The following ZNF516 variants were observed in gnomAD, a reference collection of about 807,000 sequenced individuals.
ZNF516 encodes zinc finger protein 516.
In ZNF516, 19 loss-of-function variants were observed where a neutral mutation model predicts 79.7. The ratio of observed to expected loss-of-function variants is 0.24; its 90% CI spans 0.17 to 0.35. The LOEUF (loss-of-function observed/expected upper bound fraction) is 0.35, where lower values mean the gene tolerates loss of function less well. Among genes scored for constraint, ZNF516 ranks in the 10% least tolerant of loss-of-function variants. The probability of loss-of-function intolerance (pLI) is 1.00; values close to 1 mark genes in which losing one functional copy is unlikely to be tolerated. For synonymous variants in ZNF516, 877 were observed against 739.5 expected, an observed-to-expected ratio of 1.19 and a Z score of -3.02; for missense variants, 1,678 against 1,679.5, an observed-to-expected ratio of 1.00 and a Z score of 0.02.
chr18:76,386,812 CAT>C (rs926289124), intron 3 of ZNF516: 1 of 152,230 alleles, frequency 6.6e-6, no homozygotes, highest in Non-Finnish European at 1.5e-5. Context: ...TTTACCCACA[CAT>C]GTCATTTTCA....
At chr18:76,399,890 G>GTT (rs2075195321) in intron 3 of ZNF516, among the ~76,000 whole-genome samples, 2 of 152,164 alleles carry the variant, frequency 1.3e-5, no homozygotes, top group South Asian at 4.1e-4. Context: ...ACTTAAGATT[G>GTT]TGAGTGACAT....
chr18:76,439,107 AC>A (rs1356225640), intron 3 of ZNF516, among the ~76,000 whole-genome samples: 1 of 152,230 alleles, frequency 6.6e-6, no homozygotes, highest in Non-Finnish European at 1.5e-5. Flanking sequence ...GATTCAAAAT[AC>A]CCAGTTTCTT....
Position 76,441,608 on chromosome 18 carries a change from C to T in ZNF516, c.1447G>A (p.Gly483Arg). 2.0e-6 allele frequency: 3 copies of T among 1,481,102 alleles called. No homozygotes were observed. Among genetic ancestry groups the T allele is most frequent in the South Asian group, 2.6e-5 (2 of 77,000 alleles). The allele number at this position is 1,481,102 out of a possible 1,614,324, so 91.7% of individuals were successfully genotyped here. The change falls in exon 3 of 7, where the codon GGG becomes AGG. Residue 483 changes from glycine to arginine, a missense_variant. Physicochemically the swap from Gly to Arg is moderately radical, Grantham distance 125 (BLOSUM62 -2). Coordinates refer to ENST00000443185, the MANE Select transcript of ZNF516 (RefSeq NM_014643.4). ...AQGPPRKRASGPGDPAPAGHL... is the reference protein window; with the variant it reads ...AQGPPRKRASRPGDPAPAGHL... The stretch of plus-strand genomic sequence containing the variant: ...CCGGCGGGCGCGGGGTCCCCAGGCC[C>T]GCTCGCGCGCTTCCGCGGGGGCCCC...
At chr18:76,495,001 G>A (rs1209314127) in intron 1 of ZNF516, 143 bp downstream of exon 1, 1 of 131,428 alleles carries the variant, frequency 7.6e-6, no homozygotes, top group Admixed American at 7.3e-5. Context: ...GCCCCTCCCC[G>A]GCGCACCCCC....
intron 3 of ZNF516, chr18:76,385,545 G>T (rs1003657579): frequency 3.3e-5 from 5 of 152,232 alleles, no homozygotes; most frequent in Non-Finnish European, 5.9e-5. Flanking sequence ...CCGCGCTTAC[G>T]GCTGCTCTGG....
Position 76,443,105 on chromosome 18 carries a change from G to C in ZNF516, c.-51C>G, listed in dbSNP as rs879864222. On this transcript the variant is annotated 5_prime_UTR_variant, in exon 3 of 7. Coordinates refer to ENST00000443185, the MANE Select transcript of ZNF516 (RefSeq NM_014643.4). The stretch of plus-strand genomic sequence containing the variant: ...GGCGGCACAGCTTTCTGTCGCGCGG[G>C]CTGCAGGGACCGTCCTATCTCTCCA... 1.5e-5 allele frequency: 23 copies of C among 1,527,090 alleles called. No homozygotes were observed. Among genetic ancestry groups the C allele is most frequent in the Non-Finnish European group, 1.9e-5 (22 of 1,144,878 alleles). The allele number at this position is 1,527,090 out of a possible 1,614,324, so 94.6% of individuals were successfully genotyped here.
intron 2 of ZNF516, among the ~76,000 whole-genome samples, chr18:76,450,464 A>G (rs1912339127): frequency 6.6e-6 from 1 of 151,952 alleles, no homozygotes; most frequent in African/African-American, 2.4e-5. Flanking sequence ...AAATCGTCTG[A>G]ATAATAGGAA....
chr18:76,371,171 G>A (rs1247483371), intron 5 of ZNF516, among the ~76,000 whole-genome samples: 2 of 152,216 alleles, frequency 1.3e-5, no homozygotes, highest in East Asian at 3.8e-4. Context: ...TGGTGGCAAT[G>A]CCATTCATTA....
upstream of ZNF516, chr18:76,495,907 C>A: frequency 2.6e-6 from 1 of 379,784 alleles, no homozygotes; most frequent in Non-Finnish European, 4.2e-6. Flanking sequence ...TCACAGAGGT[C>A]CCGCTGGAAA....
chr18:76,407,019 C>G (rs2075312996), intron 3 of ZNF516, among the ~76,000 whole-genome samples: 1 of 152,208 alleles, frequency 6.6e-6, no homozygotes, highest in Non-Finnish European at 1.5e-5. Context: ...CTCGCCCAGA[C>G]AGAATCCAGG....
chr18:76,470,542 C>T (rs1453215891), intron 1 of ZNF516, among the ~76,000 whole-genome samples: 3 of 152,204 alleles, frequency 2.0e-5, no homozygotes, highest in African/African-American at 7.2e-5. Flanking sequence ...TCCATACGAA[C>T]CCTCTTCTGT....
At chr18:76,444,662 G>A (rs1428656766) in intron 2 of ZNF516, among the ~76,000 whole-genome samples, 4 of 152,172 alleles carry the variant, frequency 2.6e-5, no homozygotes, top group Non-Finnish European at 4.4e-5. Flanking sequence ...ACACAGAAAA[G>A]AATACTGATA....
At chr18:76,476,381 T>C (rs1402125038) in intron 1 of ZNF516, among the ~76,000 whole-genome samples, 1 of 152,348 alleles carries the variant, frequency 6.6e-6, no homozygotes, top group Non-Finnish European at 1.5e-5. Flanking sequence ...TCAGTGCCAG[T>C]TGTCAATGTT....
chr18:76,433,307 T>C (rs1207401668), intron 3 of ZNF516, among the ~76,000 whole-genome samples: 2 of 152,190 alleles, frequency 1.3e-5, no homozygotes, highest in Non-Finnish European at 2.9e-5. Context: ...ACAGAATTCA[T>C]CAAGGTGCAG....
At position 76,493,302 on chromosome 18, in the gene ZNF516, A is replaced by T. The variant is rs73975323; in HGVS notation, c.-272+1842T>A. 0.15 allele frequency: 30,376 copies of T among 203,394 alleles called. 2,596 individuals are homozygous for T. The highest frequency in any genetic ancestry group is 0.34 in the African/African-American group (12,055 of 35,328). The allele number at this position is 203,394 out of a possible 1,614,324, so 12.6% of individuals were successfully genotyped here. ...GTGGAGGCGGAAAGGGAGCTCCGAG[A>T]AAGAAGGAGGGGTCATTCCGCGGGG... On this transcript the variant is annotated intron_variant, in intron 1 of 6. Coordinates refer to ENST00000443185, the MANE Select transcript of ZNF516 (RefSeq NM_014643.4). This position sits in a 1 kb window ranked among gnomAD's most constrained non-coding sequence, Gnocchi z 5.2.
At chr18:76,468,095 C>T (rs1913600169) in intron 1 of ZNF516, among the ~76,000 whole-genome samples, 1 of 152,196 alleles carries the variant, frequency 6.6e-6, no homozygotes, top group African/African-American at 2.4e-5. Flanking sequence ...CTCAAGGCAT[C>T]CCAGGAGATT....
At position 76,491,486 on chromosome 18, in the gene ZNF516, G is replaced by A. The variant is rs988351384; in HGVS notation, c.-272+3658C>T. On this transcript the variant is annotated intron_variant, in intron 1 of 6. Coordinates refer to ENST00000443185, the MANE Select transcript of ZNF516 (RefSeq NM_014643.4). ...TGGTGCGAAGTTGGGCTGTGGGTCC[G>A]TCTCTTTCACTTCTTGGGTTACAGT... is the stretch of plus-strand genomic sequence containing the variant. 2.9e-5 allele frequency among the ~76,000 whole-genome samples: 4 copies of A among 136,202 alleles called. No homozygotes were observed. The South Asian group carries it at 7.1e-4, about 24-fold the overall frequency. 89.4% of individuals were successfully genotyped at this position (136,202 alleles called of 152,430 possible).
chr18:76,375,144 G>A (rs1345224470), intron 4 of ZNF516, among the ~76,000 whole-genome samples: 1 of 152,214 alleles, frequency 6.6e-6, no homozygotes, highest in Non-Finnish European at 1.5e-5. Context: ...TGAGTGTTCT[G>A]TTCACCTTTC....
intron 3 of ZNF516, chr18:76,388,646 GCA>G: frequency 6.6e-6 from 1 of 152,398 alleles, no homozygotes; most frequent in Non-Finnish European, 1.5e-5. Context: ...GACCAAAGCA[GCA>G]CAGAGACTCA....
Sources: gnomAD v4.1 joint callset for allele counts (sites outside exome capture counted in the v4.1 genomes callset) on GRCh38, gnomAD v4.1.1 for gene constraint, Gnocchi (gnomAD v3.1) non-coding constraint, MANE v1.5 for transcripts, NCBI Gene and HGNC (gene_info 2026-07-23, HGNC 2026-07-21) for gene names.